Variants in PCDHGA1 observed in about 807,000 individuals in gnomAD.
PCDHGA1 encodes the protein protocadherin gamma subfamily A, 1.
In PCDHGA1, 32 loss-of-function variants were observed where a neutral mutation model predicts 58.0. The observed-to-expected ratio is 0.55, with a 90% CI of 0.42 to 0.74. The LOEUF (loss-of-function observed/expected upper bound fraction) is 0.74, where lower values mean the gene tolerates loss of function less well. Ranked by LOEUF, PCDHGA1 falls within the 30% of genes least tolerant of loss-of-function variation. The pLI, the probability that PCDHGA1 is intolerant of heterozygous loss-of-function variation, is 0.00. For missense variants in PCDHGA1, 1,205 were observed against 1,182.3 expected (o/e 1.02, Z -0.28); for synonymous variants, 498 against 501.1 (o/e 0.99, Z 0.08).
intron 1 of PCDHGA1, chr5:141,374,322 G>A: frequency 6.2e-7 from 1 of 1,613,980 alleles, no homozygotes; most frequent in Middle Eastern, 1.7e-4. Context: ...CTGAATCCGC[G>A]AAACGGCAGC....
intron 1 of PCDHGA1, chr5:141,419,360 C>T (rs763624320): frequency 6.2e-7 from 1 of 1,613,818 alleles, no homozygotes; most frequent in South Asian, 1.1e-5. Flanking sequence ...GTCACGAACG[C>T]TGTCGTCCTA....
chr5:141,351,889 C>A (rs1758860540), intron 1 of PCDHGA1: 1 of 1,613,278 alleles, frequency 6.2e-7, no homozygotes, highest in Non-Finnish European at 8.5e-7. Context: ...CCAACGTGAG[C>A]CTGCGCGTGT....
chr5:141,500,680 T>C (rs999167635), intron 2 of PCDHGA1, among the ~76,000 whole-genome samples: 7 of 152,224 alleles, frequency 4.6e-5, no homozygotes, highest in Non-Finnish European at 7.3e-5. Context: ...AACAGAATTA[T>C]AGCTTTTTTC....
intron 1 of PCDHGA1, chr5:141,350,922 G>A (rs199977912): frequency 6.5e-4 from 1,048 of 1,614,058 alleles, no homozygotes; most frequent in Non-Finnish European, 8.3e-4. Context: ...CCTCTAAGCG[G>A]CACCACCCAT....
In PCDHGA1 at chr5:141,398,481, C is replaced by T. The variant is rs377302058; in HGVS notation, c.2421+65376C>T. ...CTGAAAATCCACTGAACTTTTATCACGTGAATGTGGAGATCGAGGACATTA... is the reference window on the plus strand; with the variant it reads ...CTGAAAATCCACTGAACTTTTATCATGTGAATGTGGAGATCGAGGACATTA... On this transcript the variant is annotated intron_variant, in intron 1 of 3. Transcript: ENST00000517417. The T allele has an allele frequency of 6.8e-6, 11 of 1,607,008 alleles. No individual in the cohort carries two copies. In the African/African-American group the frequency reaches 8.1e-5, roughly 12 times the overall value.
At chr5:141,339,936 A>C (rs1171592030) in intron 1 of PCDHGA1, 1 of 1,614,190 alleles carries the variant, frequency 6.2e-7, no homozygotes, top group Admixed American at 1.7e-5. Context: ...ATTGAAGCTC[A>C]GGATGGTCCG....
At chr5:141,451,653 G>A (rs1440576814) in intron 1 of PCDHGA1, among the ~76,000 whole-genome samples, 2 of 152,166 alleles carry the variant, frequency 1.3e-5, no homozygotes, top group Non-Finnish European at 2.9e-5. Context: ...AGGCCAAGGA[G>A]GGTGGACTGC....
rs1317717658 is a variant in PCDHGA1, at chr5:141,476,494, G to A, written c.2422-18313G>A. On this transcript the variant is annotated intron_variant, in intron 1 of 3. Coordinates refer to ENST00000517417, the MANE Select transcript of PCDHGA1 (RefSeq NM_018912.3). The surrounding 1 kb of genome is among the most constrained non-coding windows in gnomAD (Gnocchi z 7.6). ...TGTTCAGCGTGGAAGTGGTGATCCA[G>A]GACATCAACGACAACAATCCTGCTT... The A allele has an allele frequency of 6.2e-7, 1 of 1,614,012 alleles. No individual in the cohort carries two copies. The highest frequency in any genetic ancestry group is 8.5e-7 in the Non-Finnish European group (1 of 1,179,988).
At chr5:141,388,353 G>T in intron 1 of PCDHGA1, 1 of 1,613,976 alleles carries the variant, frequency 6.2e-7, no homozygotes, top group Non-Finnish European at 8.5e-7. Context: ...ATTAGGATCT[G>T]CCCATGATGC....
intron 1 of PCDHGA1, chr5:141,395,285 T>A: frequency 6.5e-7 from 1 of 1,535,168 alleles, no homozygotes; most frequent in Non-Finnish European, 8.8e-7. Context: ...GAATTTTATT[T>A]GGCATAAATT....
At chr5:141,496,588 C>T (rs775641672) in intron 2 of PCDHGA1, among the ~76,000 whole-genome samples, 9 of 152,280 alleles carry the variant, frequency 5.9e-5, no homozygotes, top group Non-Finnish European at 1.0e-4. Context: ...GAACGCAAAG[C>T]GCTTCTTAGA....
At chr5:141,340,239 C>A (rs1367784077) in intron 1 of PCDHGA1, 2 of 1,614,084 alleles carry the variant, frequency 1.2e-6, no homozygotes, top group Non-Finnish European at 1.7e-6. Flanking sequence ...ATCACTCTAA[C>A]CGCTAAAGAT....
intron 1 of PCDHGA1, chr5:141,393,362 G>C (rs1377325166): frequency 5.0e-6 from 8 of 1,613,978 alleles, no homozygotes; most frequent in Non-Finnish European, 6.8e-6. Context: ...TGGACGTGCA[G>C]ACTGGAGACA....
Position 141,331,935 on chromosome 5 carries a change from G to T in PCDHGA1, c.1251G>T (p.Gly417=), listed in dbSNP as rs1197869848. 6.2e-7 allele frequency: 1 copy of T among 1,614,066 alleles called. No individual in the cohort carries two copies. The highest frequency in any genetic ancestry group is 1.7e-5 in the Admixed American group (1 of 60,026). The part of the protein sequence containing the change: ...ERTLDRELIS[G]YNITITAIDQ... ...CACTGGACAGAGAACTTATCTCTGG[G>T]TACAACATCACAATAACAGCAATAG... The change falls in exon 1 of 4, where the codon GGG becomes GGT. Residue 417 remains glycine, a synonymous_variant. Transcript: ENST00000517417.
rs771106873 is a variant in PCDHGA1, at chr5:141,426,860, A to C, written c.2422-67947A>C. 5 of 456,702 alleles carry C rather than the reference A, an allele frequency of 1.1e-5. No individual in the cohort carries two copies. In the Admixed American group the frequency reaches 1.2e-4, roughly 11 times the overall value. The allele number at this position is 456,702 out of a possible 1,614,324, so 28.3% of individuals were successfully genotyped here. A position where few individuals can be genotyped will look rare whatever the true frequency, so the allele number is the denominator to read the frequency against. On this transcript the variant is annotated intron_variant, in intron 1 of 3. Transcript: ENST00000517417. ...CTAAAGGCAAGAACGCTCCAGAATT[A>C]GTGCTGGAGAAGCCCCTGGGCCAGG...
chr5:141,346,800 A>G (rs1241019391), intron 1 of PCDHGA1, among the ~76,000 whole-genome samples: 1 of 152,236 alleles, frequency 6.6e-6, no homozygotes, highest in Non-Finnish European at 1.5e-5. Flanking sequence ...TGAGAGAAAC[A>G]CAACACTGGT....
At chr5:141,460,488 T>C (rs1226287742) in intron 1 of PCDHGA1, among the ~76,000 whole-genome samples, 1 of 152,186 alleles carries the variant, frequency 6.6e-6, no homozygotes, top group Admixed American at 6.6e-5. Flanking sequence ...ATTGTCTCTT[T>C]GGAAAAATAT....
Position 141,384,271 on chromosome 5 carries a change from T to G in PCDHGA1, c.2421+51166T>G, listed in dbSNP as rs763450732. On this transcript the variant is annotated intron_variant, in intron 1 of 3. Coordinates refer to ENST00000517417, the MANE Select transcript of PCDHGA1 (RefSeq NM_018912.3). ...ACCCACCTTCCCCCACTCATCCTAC[T>G]CAGTCTACATCGCTGAGAACAACCC... is the stretch of plus-strand genomic sequence containing the variant. The G allele has an allele frequency of 4.0e-5, 65 of 1,613,734 alleles. No individual in the cohort carries two copies. The Admixed American group carries it at 5.7e-4, about 14-fold the overall frequency.
intron 2 of PCDHGA1, among the ~76,000 whole-genome samples, chr5:141,500,001 A>G (rs961582279): frequency 6.6e-5 from 10 of 151,914 alleles, no homozygotes; most frequent in African/African-American, 2.4e-4. Context: ...TGATTCTTTC[A>G]TAAGGTCCAC....
Sources: gnomAD v4.1 joint callset for allele counts (sites outside exome capture counted in the v4.1 genomes callset) on GRCh38, gnomAD v4.1.1 for gene constraint, Gnocchi (gnomAD v3.1) non-coding constraint, MANE v1.5 for transcripts, NCBI Gene and HGNC (gene_info 2026-07-23, HGNC 2026-07-21) for gene names.